The following PCBP3 variants were observed in gnomAD, a reference collection of about 807,000 sequenced individuals.
The protein encoded by PCBP3 is poly(rC)-binding protein 3.
A neutral mutation model predicts 52.7 loss-of-function variants in PCBP3; 25 were observed. The observed-to-expected ratio is 0.47, with a 90% CI of 0.35 to 0.66. The LOEUF is 0.66. Ranked by LOEUF, PCBP3 falls within the 30% of genes least tolerant of loss-of-function variation. The pLI is 0.01. For missense variants in PCBP3, 391 were observed against 490.3 expected (o/e 0.80, Z 1.91); for synonymous variants, 162 against 183.0 (o/e 0.89, Z 0.93).
chr21:45,787,332 C>T (rs576564100), intron 4 of PCBP3, among the ~76,000 whole-genome samples: 87 of 152,210 alleles, frequency 5.7e-4, no homozygotes, highest in Non-Finnish European at 1.1e-3. Context: ...GCATCCTCAA[C>T]TTCCTGGGCC....
Position 45,830,306 on chromosome 21 carries a change from T to A in PCBP3, c.-125-19655T>A, listed in dbSNP as rs2093415063. 1 of 153,120 alleles carries A rather than the reference T, an allele frequency of 6.5e-6. No homozygotes were observed. Among genetic ancestry groups the A allele is most frequent in the South Asian group, 2.1e-4 (1 of 4,828 alleles). 9.5% of individuals were successfully genotyped at this position (153,120 alleles called of 1,614,324 possible). A position where few individuals can be genotyped will look rare whatever the true frequency, so the allele number is the denominator to read the frequency against. On this transcript the variant is annotated intron_variant, in intron 4 of 17. Coordinates refer to ENST00000681687, the MANE Select transcript of PCBP3 (RefSeq NM_001384156.1). This position sits in a 1 kb window ranked among gnomAD's most constrained non-coding sequence, Gnocchi z 4.4. Reference sequence around the variant, plus strand: ...CGGCACTGGCTCTGCAGGGAGCCCCTCTTTCCTGCACAGTGCAGGCATCTC... The same window carrying A: ...CGGCACTGGCTCTGCAGGGAGCCCCACTTTCCTGCACAGTGCAGGCATCTC...
At chr21:45,915,232 G>A (rs1459451511) in intron 12 of PCBP3, 2 of 152,232 alleles carry the variant, frequency 1.3e-5, no homozygotes, top group African/African-American at 4.8e-5. Context: ...GGCCTGGCTA[G>A]CCAGGGATTT....
At chr21:45,930,333 G>A (rs1369847548) in intron 14 of PCBP3, among the ~76,000 whole-genome samples, 1 of 152,194 alleles carries the variant, frequency 6.6e-6, no homozygotes, top group Non-Finnish European at 1.5e-5. Flanking sequence ...TTCCTGCTGA[G>A]CGTACCCACT....
chr21:45,699,740 A>G (rs1276817357), intron 2 of PCBP3, among the ~76,000 whole-genome samples: 1 of 152,230 alleles, frequency 6.6e-6, no homozygotes, highest in Non-Finnish European at 1.5e-5. Context: ...AACTCCCTGT[A>G]TAAAACCATC....
intron 4 of PCBP3, among the ~76,000 whole-genome samples, chr21:45,764,902 G>A (rs999999092): frequency 1.1e-4 from 17 of 152,230 alleles, no homozygotes; most frequent in Admixed American, 7.2e-4. Flanking sequence ...CTTTGCTCTT[G>A]GAAGGGGGGA....
intron 11 of PCBP3, among the ~76,000 whole-genome samples, chr21:45,913,501 G>A (rs911718495): frequency 2.6e-5 from 4 of 152,164 alleles, no homozygotes; most frequent in African/African-American, 7.2e-5. Flanking sequence ...AGGGCCCTGC[G>A]CATCCCAGGA....
intron 2 of PCBP3, among the ~76,000 whole-genome samples, chr21:45,714,551 A>G (rs1378164377): frequency 6.6e-6 from 1 of 152,236 alleles, no homozygotes; most frequent in Non-Finnish European, 1.5e-5. Context: ...AAATCATATA[A>G]CTTGAAAGGG....
intron 5 of PCBP3, among the ~76,000 whole-genome samples, chr21:45,875,374 A>G (rs1330864589): frequency 2.0e-5 from 3 of 152,174 alleles, no homozygotes; most frequent in Non-Finnish European, 4.4e-5. Context: ...TTTTCCAGTA[A>G]ACTGTGGGGT....
At chr21:45,664,841 C>T (rs979298027) in intron 1 of PCBP3, among the ~76,000 whole-genome samples, 7 of 141,348 alleles carry the variant, frequency 5.0e-5, no homozygotes, top group Admixed American at 1.5e-4. Context: ...TTGTTCAATT[C>T]CCACCTATGA....
At chr21:45,807,811 G>A (rs1368733193) in intron 4 of PCBP3, among the ~76,000 whole-genome samples, 3 of 150,848 alleles carry the variant, frequency 2.0e-5, no homozygotes, top group Non-Finnish European at 4.4e-5. Flanking sequence ...TATACTACAA[G>A]GCTACAGTAA....
In PCBP3 at chr21:45,853,761, G is replaced by A. The variant is rs1423527947; in HGVS notation, c.10+3666G>A. Among the ~76,000 whole-genome samples the A allele has an allele frequency of 1.3e-5, 2 of 152,334 alleles. No individual in the cohort carries two copies. Among genetic ancestry groups the A allele is most frequent in the Admixed American group, 1.3e-4 (2 of 15,302 alleles). ...TGTGTGAGTACAGACGCGTGCATAGGAAATTAAATACACACATACTTTGCA... is the reference window on the plus strand; with the variant it reads ...TGTGTGAGTACAGACGCGTGCATAGAAAATTAAATACACACATACTTTGCA... On this transcript the variant is annotated intron_variant, in intron 5 of 17. Transcript: ENST00000681687. This position sits in a 1 kb window ranked among gnomAD's most constrained non-coding sequence, Gnocchi z 4.6.
chr21:45,772,743 G>T (rs2089972641), intron 4 of PCBP3, among the ~76,000 whole-genome samples: 1 of 151,560 alleles, frequency 6.6e-6, no homozygotes. Flanking sequence ...TTTTTATTAT[G>T]GCCATTCTAT....
chr21:45,818,381 G>A (rs992104389), intron 4 of PCBP3, among the ~76,000 whole-genome samples: 1 of 152,144 alleles, frequency 6.6e-6, no homozygotes, highest in East Asian at 1.9e-4. Context: ...TTGAACACAG[G>A]TTTTGACAAG....
intron 5 of PCBP3, among the ~76,000 whole-genome samples, chr21:45,892,099 G>C (rs938324544): frequency 6.6e-6 from 1 of 152,222 alleles, no homozygotes; most frequent in African/African-American, 2.4e-5. Flanking sequence ...GGAGTAGGGA[G>C]GGGAAGGGTG....
intron 4 of PCBP3, among the ~76,000 whole-genome samples, chr21:45,784,397 G>GCCT (rs2090908488): frequency 5.7e-5 from 4 of 70,332 alleles, no homozygotes; most frequent in African/African-American, 2.7e-4. Flanking sequence ...TACCTCTACC[G>GCCT]CTACCTCTAC....
Position 45,793,943 on chromosome 21 carries a change from A to G in PCBP3, c.-126+38491A>G, listed in dbSNP as rs150649383. ...AAAACTAAAAAAAAGACAACTATCT[A>G]TGAAAGAAAACAAGTTTTGATTCCA... On this transcript the variant is annotated intron_variant, in intron 4 of 17. Coordinates refer to ENST00000681687, the MANE Select transcript of PCBP3 (RefSeq NM_001384156.1). 1.3e-3 allele frequency among the ~76,000 whole-genome samples: 197 copies of G among 152,346 alleles called. 2 individuals are homozygous for G. The highest frequency in any genetic ancestry group is 4.4e-3 in the African/African-American group (183 of 41,588).
At chr21:45,659,501 C>G (rs2080244973) in intron 1 of PCBP3, among the ~76,000 whole-genome samples, 1 of 151,750 alleles carries the variant, frequency 6.6e-6, no homozygotes, top group African/African-American at 2.4e-5. Context: ...AGGTGCATTC[C>G]CCTACACCTG....
intron 9 of PCBP3, among the ~76,000 whole-genome samples, chr21:45,901,762 CAGAG>C (rs67655040): frequency 0.064 from 7,275 of 113,520 alleles, 228 homozygotes; most frequent in Middle Eastern, 0.095. Flanking sequence ...GAGACAGAGA[CAGAG>C]AGAGAGCGAG....
At chr21:45,822,213 C>CCGG (rs941109990) in intron 4 of PCBP3, among the ~76,000 whole-genome samples, 76 of 152,202 alleles carry the variant, frequency 5.0e-4, no homozygotes, top group African/African-American at 1.8e-3. Context: ...GGCACAGGCA[C>CCGG]CGGCACCGTC....
Sources: gnomAD v4.1 joint callset for allele counts (sites outside exome capture counted in the v4.1 genomes callset) on GRCh38, gnomAD v4.1.1 for gene constraint, Gnocchi (gnomAD v3.1) non-coding constraint, MANE v1.5 for transcripts, NCBI Gene and HGNC (gene_info 2026-07-23, HGNC 2026-07-21) for gene names.